The following TCERG1L variants were observed in gnomAD, a reference collection of about 807,000 sequenced individuals.
The protein encoded by TCERG1L is transcription elongation regulator 1 like.
In TCERG1L, 37 loss-of-function variants were observed where a neutral mutation model predicts 56.3. The observed-to-expected ratio is 0.66, with a 90% CI of 0.51 to 0.87. The LOEUF (loss-of-function observed/expected upper bound fraction) is 0.87, where lower values mean the gene tolerates loss of function less well. Ranked by LOEUF, TCERG1L falls within the 40% of genes least tolerant of loss-of-function variation. The pLI, the probability that TCERG1L is intolerant of heterozygous loss-of-function variation, is 0.00. For synonymous variants in TCERG1L, 324 were observed against 326.3 expected, an observed-to-expected ratio of 0.99 and a Z score of 0.08; for missense variants, 799 against 774.2, an observed-to-expected ratio of 1.03 and a Z score of -0.38.
At chr10:131,304,441 T>C (rs985234344) in intron 3 of TCERG1L, among the ~76,000 whole-genome samples, 1 of 151,914 alleles carries the variant, frequency 6.6e-6, no homozygotes, top group African/African-American at 2.4e-5. Context: ...GAGCCCCTTC[T>C]TCCTGGGAAG....
In TCERG1L at chr10:131,295,507, T is replaced by C. The variant is rs1052066442; in HGVS notation, c.670+12704A>G. On this transcript the variant is annotated intron_variant, in intron 3 of 11. Coordinates refer to ENST00000368642, the MANE Select transcript of TCERG1L (RefSeq NM_174937.4). ...TTCATGAACGCCATTCTAATAAGTA[T>C]GTAGGGACTCCGATCATGGATTCAA... Among the ~76,000 whole-genome samples the C allele has an allele frequency of 3.9e-5, 6 of 152,362 alleles. No homozygotes were observed. The East Asian group carries it at 1.2e-3, about 29-fold the overall frequency.
chr10:131,134,690 A>G (rs1845655240), intron 7 of TCERG1L, among the ~76,000 whole-genome samples: 1 of 152,202 alleles, frequency 6.6e-6, no homozygotes, highest in African/African-American at 2.4e-5. Context: ...TCTGTTTAGC[A>G]GGTGCTGGGC....
rs189250033 is a variant in TCERG1L at position 131,134,480 on chromosome 10, T to C, written c.1190-32A>G. ...GAAAATCAGATGAACAGGGTTAGAG[T>C]TGTCAGAGCTCAGGGCTTTGGCAAA... On this transcript the variant is annotated intron_variant, in intron 7 of 11. Transcript: ENST00000368642. 180 of 1,560,068 alleles carry C rather than the reference T, an allele frequency of 1.2e-4. 1 individual carries two copies. In the African/African-American group the frequency reaches 2.1e-3, roughly 18 times the overall value.
intron 9 of TCERG1L, among the ~76,000 whole-genome samples, chr10:131,105,731 G>A (rs200774784): frequency 6.6e-6 from 1 of 151,490 alleles, no homozygotes; most frequent in Admixed American, 6.6e-5. Flanking sequence ...GGGAATACTC[G>A]TTCATGCCTC....
intron 4 of TCERG1L, among the ~76,000 whole-genome samples, chr10:131,255,479 C>T (rs1220352794): frequency 6.6e-6 from 1 of 152,190 alleles, no homozygotes; most frequent in Non-Finnish European, 1.5e-5. Context: ...GGAGCAGTGA[C>T]CTCTGGGGTG....
intron 4 of TCERG1L, among the ~76,000 whole-genome samples, chr10:131,235,754 T>A (rs1025915725): frequency 5.3e-5 from 8 of 152,192 alleles, no homozygotes; most frequent in African/African-American, 1.9e-4. Flanking sequence ...CAGAAAGAGA[T>A]AAGCCAGGGG....
At chr10:131,213,154 A>C (rs538864044) in intron 4 of TCERG1L, among the ~76,000 whole-genome samples, 1 of 152,306 alleles carries the variant, frequency 6.6e-6, no homozygotes, top group East Asian at 1.9e-4. Context: ...CCCAGAGGCT[A>C]TGTGGGGCCT....
At chr10:131,223,958 A>C in intron 4 of TCERG1L, among the ~76,000 whole-genome samples, 2 of 141,834 alleles carry the variant, frequency 1.4e-5, no homozygotes, top group Non-Finnish European at 3.1e-5. Flanking sequence ...CTCCCCTCCC[A>C]CTTCTCTCTC....
At chr10:131,192,099 G>A (rs1291825802) in intron 4 of TCERG1L, among the ~76,000 whole-genome samples, 3 of 142,670 alleles carry the variant, frequency 2.1e-5, no homozygotes, top group Non-Finnish European at 4.6e-5. Flanking sequence ...ACAACCCACA[G>A]AATGGGAGAA....
chr10:131,135,472 C>T (rs181338515), intron 7 of TCERG1L, among the ~76,000 whole-genome samples: 29 of 152,270 alleles, frequency 1.9e-4, no homozygotes, highest in African/African-American at 6.7e-4. Context: ...CTATAAAACC[C>T]GACAATTCTC....
At chr10:131,288,239 C>G (rs1589773410) in intron 3 of TCERG1L, among the ~76,000 whole-genome samples, 2 of 152,308 alleles carry the variant, frequency 1.3e-5, no homozygotes, top group East Asian at 3.9e-4. Context: ...AGGAAAAGTG[C>G]AGATTCAGAA....
Position 131,167,956 on chromosome 10 carries a change from C to T in TCERG1L, c.857-1071G>A, listed in dbSNP as rs1359143472. Among the ~76,000 whole-genome samples, 5 of 152,168 alleles carry T rather than the reference C, an allele frequency of 3.3e-5. No homozygotes were observed. In the East Asian group the frequency reaches 9.6e-4, roughly 29 times the overall value. ...CCAAACCATCTAACCACACACCAAC[C>T]TAAAACAATAGATAAGTTCTCAAAG... On this transcript the variant is annotated intron_variant, in intron 4 of 11. Transcript: ENST00000368642.
intron 3 of TCERG1L, among the ~76,000 whole-genome samples, chr10:131,306,053 C>T (rs1253388720): frequency 6.6e-6 from 1 of 152,150 alleles, no homozygotes; most frequent in East Asian, 1.9e-4. Context: ...TCTATTTTCT[C>T]ATTAACTGCA....
chr10:131,158,825 T>G (rs2133426922), intron 6 of TCERG1L, among the ~76,000 whole-genome samples: 1 of 152,258 alleles, frequency 6.6e-6, no homozygotes. Context: ...CAGAAGGAGA[T>G]TCCCTGAGAC....
intron 4 of TCERG1L, among the ~76,000 whole-genome samples, chr10:131,201,383 C>A (rs970808711): frequency 6.6e-6 from 1 of 152,176 alleles, no homozygotes; most frequent in African/African-American, 2.4e-5. Flanking sequence ...CATCGAACAT[C>A]CGCAGATTTT....
At chr10:131,241,046 G>A (rs1035139804) in intron 4 of TCERG1L, among the ~76,000 whole-genome samples, 2 of 152,180 alleles carry the variant, frequency 1.3e-5, no homozygotes, top group Admixed American at 6.5e-5. Context: ...ATCGCAGCAA[G>A]AGCGGAAGAT....
chr10:131,141,226 C>T (rs1043388084), intron 7 of TCERG1L, among the ~76,000 whole-genome samples: 13 of 152,194 alleles, frequency 8.5e-5, no homozygotes, highest in African/African-American at 2.7e-4. Flanking sequence ...CTCTGCAGGG[C>T]TTCCCCGAGC....
At chr10:131,284,767 G>A (rs974174059) in intron 3 of TCERG1L, among the ~76,000 whole-genome samples, 2 of 151,880 alleles carry the variant, frequency 1.3e-5, no homozygotes, top group African/African-American at 4.8e-5. Flanking sequence ...TCATACCAAA[G>A]GCAATTTGCA....
chr10:131,299,293 G>A (rs1846732725), intron 3 of TCERG1L, among the ~76,000 whole-genome samples: 1 of 151,962 alleles, frequency 6.6e-6, no homozygotes, highest in African/African-American at 2.4e-5. Context: ...CATTAGGGAG[G>A]TTAGATCTTT....
Sources: allele counts gnomAD v4.1 joint callset (sites outside exome capture counted in the v4.1 genomes callset), GRCh38; gene constraint gnomAD v4.1.1; transcripts MANE v1.5; gene names NCBI Gene and HGNC (gene_info 2026-07-23, HGNC 2026-07-21).